The following WWP1 variants were observed in gnomAD, a reference collection of about 807,000 sequenced individuals.
WWP1 encodes the protein WW domain containing E3 ubiquitin protein ligase 1.
Under a neutral mutation model 130.6 loss-of-function variants are expected in WWP1, and 49 were observed. The ratio of observed to expected loss-of-function variants is 0.38; its 90% CI spans 0.30 to 0.48. The LOEUF is 0.48. WWP1 is among the 20% of genes least tolerant of loss of function. The probability of loss-of-function intolerance (pLI) is 0.99; values close to 1 mark genes in which losing one functional copy is unlikely to be tolerated. For missense variants in WWP1, 809 were observed against 1,100.6 expected, an observed-to-expected ratio of 0.74 and a Z score of 3.75; for synonymous variants, 332 against 367.8, an observed-to-expected ratio of 0.90 and a Z score of 1.11.
chr8:86,398,544 C>T (rs773523095), intron 6 of WWP1, 28 bp from the exon 7 acceptor site: 4 of 1,611,262 alleles, frequency 2.5e-6, no homozygotes, highest in East Asian at 4.5e-5. Context: ...TATATAAAAA[C>T]CTAGTTTTTT....
At chr8:86,447,210 A>T (rs1810930413) in intron 18 of WWP1, among the ~76,000 whole-genome samples, 1 of 152,210 alleles carries the variant, frequency 6.6e-6, no homozygotes, top group Admixed American at 6.5e-5. Flanking sequence ...AGTTGAATTT[A>T]GTTAGGCTTG....
At chr8:86,463,371 A>G (rs1811868637) in intron 24 of WWP1, among the ~76,000 whole-genome samples, 2 of 152,072 alleles carry the variant, frequency 1.3e-5, no homozygotes, top group South Asian at 2.1e-4. Context: ...CAGTGGCACA[A>G]TCTTGGCTCA....
chr8:86,350,066 G>A (rs1345335013), intron 1 of WWP1, among the ~76,000 whole-genome samples: 1 of 152,060 alleles, frequency 6.6e-6, no homozygotes, highest in Non-Finnish European at 1.5e-5. Context: ...ACTCTTCCTT[G>A]GAGAGGTGTC....
intron 8 of WWP1, among the ~76,000 whole-genome samples, chr8:86,408,095 G>GTTCC (rs1308988430): frequency 6.6e-6 from 1 of 152,010 alleles, no homozygotes; most frequent in African/African-American, 2.4e-5. Context: ...TTAAATACTG[G>GTTCC]CTCTATAGTT....
intron 11 of WWP1, among the ~76,000 whole-genome samples, chr8:86,428,235 A>C (rs1809741520): frequency 6.6e-6 from 1 of 152,190 alleles, no homozygotes; most frequent in African/African-American, 2.4e-5. Context: ...CCCAGATTCT[A>C]AGAAGCAACA....
At chr8:86,421,718 G>A (rs1809220741) in intron 9 of WWP1, among the ~76,000 whole-genome samples, 1 of 152,086 alleles carries the variant, frequency 6.6e-6, no homozygotes. Context: ...CAGCTACTTG[G>A]GAGGCTGAGA....
intron 5 of WWP1, among the ~76,000 whole-genome samples, chr8:86,389,749 C>T (rs1421639009): frequency 6.6e-6 from 1 of 151,764 alleles, no homozygotes; most frequent in Non-Finnish European, 1.5e-5. Flanking sequence ...AGGCGCCCCC[C>T]CACCCACCTC....
At chr8:86,430,347 CACAGTTCACT>C (rs1214425746) in intron 11 of WWP1, among the ~76,000 whole-genome samples, 9 of 152,060 alleles carry the variant, frequency 5.9e-5, no homozygotes, top group Non-Finnish European at 4.4e-5. Flanking sequence ...GTAGTGTGAT[CACAGTTCACT>C]GTAGCCTCCA....
rs148106553 is a variant in WWP1, at chr8:86,437,840, C to T, written c.1750-745C>T. On this transcript the variant is annotated intron_variant, in intron 16 of 24. Coordinates refer to ENST00000517970, the MANE Select transcript of WWP1 (RefSeq NM_007013.4). ...TTTGAGACAGAGTCTCGCTCTGTCGCCCAGGCTGGAGTGCAGTGGCACGAT... is the reference window on the plus strand; with the variant it reads ...TTTGAGACAGAGTCTCGCTCTGTCGTCCAGGCTGGAGTGCAGTGGCACGAT... Among the ~76,000 whole-genome samples the T allele has an allele frequency of 9.9e-3, 1,500 of 152,252 alleles. 28 individuals carry two copies. Among genetic ancestry groups the T allele is most frequent in the African/African-American group, 0.034 (1,430 of 41,528 alleles).
In WWP1 at chr8:86,411,810, G is replaced by C; in HGVS notation, c.997G>C (p.Asp333His). 6.2e-7 allele frequency: 1 copy of C among 1,614,106 alleles called. No homozygotes were observed. Among genetic ancestry groups the C allele is most frequent in the Non-Finnish European group, 8.5e-7 (1 of 1,180,022 alleles). The change falls in exon 9 of 25, where the codon GAT becomes CAT. Residue 333 changes from aspartate (D) to histidine (H), a missense_variant. Asp to His is a moderately conservative substitution (Grantham distance 81). Transcript: ENST00000517970. The stretch of plus-strand genomic sequence containing the variant: ...TGAAGCAGCCAAATCAAGACAGCCA[G>C]ATGGGTGTATGGATCCTGTACGGCA... Reference protein sequence around the residue: ...AFEAAKSRQPDGCMDPVRQQS... With the variant: ...AFEAAKSRQPHGCMDPVRQQS...
intron 5 of WWP1, among the ~76,000 whole-genome samples, chr8:86,389,198 C>A (rs867843330): frequency 1.4e-5 from 2 of 148,118 alleles, no homozygotes; most frequent in Non-Finnish European, 3.0e-5. Flanking sequence ...TTGGGTGTTT[C>A]TCGGAGAGGG....
intron 5 of WWP1, among the ~76,000 whole-genome samples, chr8:86,390,231 G>A (rs1382650365): frequency 1.3e-5 from 2 of 150,700 alleles, no homozygotes; most frequent in Admixed American, 1.3e-4. Flanking sequence ...GGGCAGAGGG[G>A]CTCCTCACAT....
intron 14 of WWP1, among the ~76,000 whole-genome samples, chr8:86,434,678 T>C (rs189626531): frequency 6.6e-6 from 1 of 152,202 alleles, no homozygotes; most frequent in South Asian, 2.1e-4. Flanking sequence ...CACTAGTATA[T>C]AAGCTCCACA....
At chr8:86,430,618 G>T in intron 11 of WWP1, 79 bp from the exon 12 acceptor site, 1 of 1,177,242 alleles carries the variant, frequency 8.5e-7, no homozygotes. Flanking sequence ...ATGTGATTCT[G>T]CCACATGCTT....
At chr8:86,449,717 C>T (rs553837333) in intron 20 of WWP1, among the ~76,000 whole-genome samples, 2 of 152,294 alleles carry the variant, frequency 1.3e-5, no homozygotes, top group African/African-American at 2.4e-5. Context: ...ATAGTACTAC[C>T]ATTTTCACCC....
At chr8:86,455,207 CA>C (rs1253457799) in intron 21 of WWP1, among the ~76,000 whole-genome samples, 1 of 151,910 alleles carries the variant, frequency 6.6e-6, no homozygotes, top group East Asian at 1.9e-4. Context: ...TCATCAACAA[CA>C]AAAAACCTCA....
At chr8:86,378,542 A>G (rs993923526) in intron 3 of WWP1, among the ~76,000 whole-genome samples, 1 of 152,146 alleles carries the variant, frequency 6.6e-6, no homozygotes, top group African/African-American at 2.4e-5. Flanking sequence ...TCTGTGTATA[A>G]CACCAAAGGA....
intron 11 of WWP1, 63 bp from the exon 12 acceptor site, chr8:86,430,634 A>C (rs553903774): frequency 1.0e-5 from 14 of 1,375,144 alleles, no homozygotes; most frequent in Admixed American, 6.1e-5. Flanking sequence ...TGCTTGGCTT[A>C]TTTCTACTTT....
intron 1 of WWP1, among the ~76,000 whole-genome samples, chr8:86,367,971 C>T (rs1047016810): frequency 6.6e-6 from 1 of 152,178 alleles, no homozygotes; most frequent in Non-Finnish European, 1.5e-5. Flanking sequence ...ACCGTGACTC[C>T]CAAATGTTTC....
Sources: allele counts gnomAD v4.1 joint callset (sites outside exome capture counted in the v4.1 genomes callset), GRCh38; gene constraint gnomAD v4.1.1; transcripts MANE v1.5; gene names NCBI Gene and HGNC (gene_info 2026-07-23, HGNC 2026-07-21).